Variants in IL34 observed in about 807,000 individuals in gnomAD.
IL34 encodes the protein interleukin-34.
In IL34, 17 loss-of-function variants were observed where a neutral mutation model predicts 25.3. That is an observed-to-expected ratio of 0.67 (90% CI 0.46 to 1.01). IL34 has a LOEUF of 1.01. Among genes scored for constraint, IL34 ranks in the 50% least tolerant of loss-of-function variants. IL34 has a pLI of 0.00. For missense variants in IL34, 368 were observed against 312.9 expected (o/e 1.18, Z -1.33); for synonymous variants, 174 against 140.9 (o/e 1.23, Z -1.66).
At position 70,580,295 on chromosome 16, in the gene IL34, C is replaced by T. The variant is rs184446330; in HGVS notation, c.-401+246C>T. On this transcript the variant is annotated intron_variant, in intron 1 of 6. Coordinates refer to the IL34 transcript ENST00000429149. Reference sequence around the variant, plus strand: ...CTTCATCAGCCTTGCAGGAAAAAGCCGATCCACATAACCATAAAGCAAGTC... The same window carrying T: ...CTTCATCAGCCTTGCAGGAAAAAGCTGATCCACATAACCATAAAGCAAGTC... Among the ~76,000 whole-genome samples the T allele has an allele frequency of 4.1e-4, 62 of 152,304 alleles. 1 individual carries two copies. Among genetic ancestry groups the T allele is most frequent in the African/African-American group, 1.3e-3 (54 of 41,572 alleles).
chr16:70,637,584 T>C (rs571314380), intron 1 of IL34, among the ~76,000 whole-genome samples: 1 of 136,822 alleles, frequency 7.3e-6, no homozygotes, highest in Non-Finnish European at 1.7e-5. Flanking sequence ...CCTCAGATGA[T>C]CTGCCCCCCC....
At chr16:70,631,895 G>C (rs2051526423) in intron 1 of IL34, among the ~76,000 whole-genome samples, 1 of 151,334 alleles carries the variant, frequency 6.6e-6, no homozygotes, top group Non-Finnish European at 1.5e-5. Context: ...TTCAAGACCA[G>C]CCTGGGTACC....
chr16:70,643,632 C>T (rs146560877), upstream of IL34, among the ~76,000 whole-genome samples: 1,562 of 152,298 alleles, frequency 0.01, 15 homozygotes, highest in Non-Finnish European at 0.013. Context: ...GCCTTGGCCT[C>T]CCAAGGTGCT....
At chr16:70,630,028 G>A (rs1458073462) in intron 1 of IL34, among the ~76,000 whole-genome samples, 1 of 152,030 alleles carries the variant, frequency 6.6e-6, no homozygotes, top group Non-Finnish European at 1.5e-5. Flanking sequence ...CCAGCCTCTG[G>A]TAACTGTCCT....
At chr16:70,621,636 A>G (rs2051284302) in intron 1 of IL34, among the ~76,000 whole-genome samples, 1 of 152,162 alleles carries the variant, frequency 6.6e-6, no homozygotes, top group African/African-American at 2.4e-5. Flanking sequence ...TGAAGAGACC[A>G]TCAAACAGGC....
intron 1 of IL34, among the ~76,000 whole-genome samples, chr16:70,633,311 T>G (rs776198468): frequency 3.4e-5 from 5 of 147,888 alleles, no homozygotes; most frequent in Non-Finnish European, 7.5e-5. Context: ...TGGAGTGCAG[T>G]GACAGGATCA....
At position 70,635,984 on chromosome 16, in the gene IL34, G is replaced by A. The variant is rs368562941; in HGVS notation, c.-400-10564G>A. Among the ~76,000 whole-genome samples the A allele has an allele frequency of 1.1e-4, 17 of 151,620 alleles. No homozygotes were observed. In the East Asian group the frequency reaches 1.7e-3, roughly 16 times the overall value. ...ATCCTCACCTTGCCCAAGGCAAGGT[G>A]GAGTCAGAGTTTGAACCCAAAAGGT... On this transcript the variant is annotated intron_variant, in intron 1 of 6. Transcript: ENST00000429149.
chr16:70,624,537 T>C (rs920678370), intron 1 of IL34, among the ~76,000 whole-genome samples: 3 of 152,284 alleles, frequency 2.0e-5, no homozygotes, highest in South Asian at 4.1e-4. Flanking sequence ...TCTAGGGCTG[T>C]AAAGCGTCTC....
upstream of IL34, among the ~76,000 whole-genome samples, chr16:70,646,065 T>G (rs956036810): frequency 6.6e-6 from 1 of 152,018 alleles, no homozygotes; most frequent in Non-Finnish European, 1.5e-5. Context: ...AAAAAAATTT[T>G]TTTTTTCTTA....
chr16:70,593,050 C>G (rs765059891), intron 1 of IL34, among the ~76,000 whole-genome samples: 5 of 152,110 alleles, frequency 3.3e-5, no homozygotes, highest in Non-Finnish European at 7.4e-5. Flanking sequence ...TGGTCTCGAA[C>G]TGCTGGCCTC....
At chr16:70,582,781 CCT>C (rs1395537603) in intron 1 of IL34, among the ~76,000 whole-genome samples, 1 of 152,226 alleles carries the variant, frequency 6.6e-6, no homozygotes, top group Non-Finnish European at 1.5e-5. Context: ...GCACAAGATG[CCT>C]CTCTGCTGTT....
chr16:70,585,279 C>T lies in IL34; in HGVS notation c.-401+5230C>T, dbSNP rs1302376786. On this transcript the variant is annotated intron_variant, in intron 1 of 6. Coordinates refer to the IL34 transcript ENST00000429149. Reference sequence around the variant, plus strand: ...TCCTCAAGGAGTCTTGCTCTGTCATCCAGGCTTGAGTGCAGTGGCACAAAC... The same window carrying T: ...TCCTCAAGGAGTCTTGCTCTGTCATTCAGGCTTGAGTGCAGTGGCACAAAC... Among the ~76,000 whole-genome samples the T allele has an allele frequency of 2.6e-5, 4 of 152,150 alleles. No homozygotes were observed. In the East Asian group the frequency reaches 7.7e-4, roughly 29 times the overall value.
intron 1 of IL34, among the ~76,000 whole-genome samples, chr16:70,648,348 G>A (rs1256047041): frequency 1.3e-5 from 2 of 152,136 alleles, no homozygotes; most frequent in Non-Finnish European, 2.9e-5. Context: ...TTGAGGCCAG[G>A]AGTTTGAAAC....
intron 1 of IL34, among the ~76,000 whole-genome samples, chr16:70,624,082 CAG>C (rs2051338447): frequency 6.6e-6 from 1 of 152,074 alleles, no homozygotes; most frequent in East Asian, 1.9e-4. Flanking sequence ...AGGAGTCAGT[CAG>C]AGAGCCTTGG....
intron 1 of IL34, among the ~76,000 whole-genome samples, chr16:70,618,989 G>A (rs2151834706): frequency 6.6e-6 from 1 of 152,256 alleles, no homozygotes; most frequent in Middle Eastern, 3.4e-3. Flanking sequence ...TATAGAGGCA[G>A]GTATTGAGGA....
upstream of IL34, among the ~76,000 whole-genome samples, chr16:70,644,405 G>T (rs1359810048): frequency 6.6e-6 from 1 of 151,894 alleles, no homozygotes; most frequent in Non-Finnish European, 1.5e-5. Context: ...GCTATATGGG[G>T]GTCTGTTATA....
At chr16:70,619,967 C>A (rs566585083) in intron 1 of IL34, among the ~76,000 whole-genome samples, 1 of 151,974 alleles carries the variant, frequency 6.6e-6, no homozygotes, top group Non-Finnish European at 1.5e-5. Context: ...AACGCCTGGC[C>A]GCTGCGGTTC....
intron 1 of IL34, among the ~76,000 whole-genome samples, chr16:70,603,017 GC>G (rs1231892355): frequency 6.6e-6 from 1 of 152,110 alleles, no homozygotes; most frequent in Non-Finnish European, 1.5e-5. Context: ...CTGAGTGGGA[GC>G]CCCGGCTGTT....
intron 1 of IL34, among the ~76,000 whole-genome samples, chr16:70,626,307 T>G (rs2051392091): frequency 1.3e-5 from 2 of 152,218 alleles, no homozygotes; most frequent in Non-Finnish European, 2.9e-5. Context: ...GAGTCAAATT[T>G]ATCAGTCTTT....
Sources: gnomAD v4.1 joint callset for allele counts (sites outside exome capture counted in the v4.1 genomes callset) on GRCh38, gnomAD v4.1.1 for gene constraint, MANE v1.5 for transcripts, NCBI Gene and HGNC (gene_info 2026-07-23, HGNC 2026-07-21) for gene names.